The following NEURL3 variants were observed in gnomAD, a reference collection of about 807,000 sequenced individuals.
NEURL3 encodes the protein E3 ubiquitin-protein ligase NEURL3.
Under a neutral mutation model 17.6 loss-of-function variants are expected in NEURL3, and 19 were observed. The ratio of observed to expected loss-of-function variants is 1.08; its 90% CI spans 0.75 to 1.58. The LOEUF is 1.58. Among genes scored for constraint, NEURL3 ranks in the 40% most tolerant of loss-of-function variants. The pLI is 0.00. For synonymous variants in NEURL3, 180 were observed against 161.4 expected (o/e 1.11, Z -0.87); for missense variants, 342 against 379.6 (o/e 0.90, Z 0.82).
chr2:96,500,102 A>C, intron 2 of NEURL3: 1 of 322,128 alleles, frequency 3.1e-6, no homozygotes, highest in South Asian at 3.5e-5. Context: ...TTTGCTTGCC[A>C]CCTTTGTATC....
Position 96,497,914 on chromosome 2 carries a change from T to G in NEURL3, c.*330A>C. The stretch of plus-strand genomic sequence containing the variant: ...TCCAGGTTCTTCAATACCCAGGAGG[T>G]ACAGGGCTTCACCAGTCACAACAGA... On this transcript the variant is annotated 3_prime_UTR_variant, in exon 4 of 4. Transcript: ENST00000451794. The G allele has an allele frequency of 4.0e-6, 1 of 251,598 alleles. No homozygotes were observed. The allele number at this position is 251,598 out of a possible 1,614,324, so 15.6% of individuals were successfully genotyped here. A position where few individuals can be genotyped will look rare whatever the true frequency, so the allele number is the denominator to read the frequency against.
intron 1 of NEURL3, among the ~76,000 whole-genome samples, chr2:96,502,123 G>A (rs2065514623): frequency 6.6e-6 from 1 of 152,132 alleles, no homozygotes; most frequent in South Asian, 2.1e-4. Context: ...TTAAAGACCA[G>A]TGCTCACCGT....
At chr2:96,499,777 G>T (rs1361569897) in intron 2 of NEURL3, among the ~76,000 whole-genome samples, 1 of 152,150 alleles carries the variant, frequency 6.6e-6, no homozygotes, top group African/African-American at 2.4e-5. Context: ...TCTCCCAAGA[G>T]CCTGGACAAA....
At chr2:96,504,272 T>C in intron 1 of NEURL3, among the ~76,000 whole-genome samples, 1 of 4,840 alleles carries the variant, frequency 2.1e-4, no homozygotes, top group Admixed American at 2.7e-3. Context: ...TTTCTCCTCA[T>C]CCCGCCTCGG....
chr2:96,503,230 G>A (rs574767533), intron 1 of NEURL3, among the ~76,000 whole-genome samples: 2 of 152,278 alleles, frequency 1.3e-5, no homozygotes, highest in East Asian at 3.9e-4. Flanking sequence ...GGGTGCATGA[G>A]GCCCTGGGAG....
At chr2:96,503,057 G>A (rs1227496769) in intron 1 of NEURL3, among the ~76,000 whole-genome samples, 3 of 152,214 alleles carry the variant, frequency 2.0e-5, no homozygotes, top group Admixed American at 6.5e-5. Context: ...CTAGGCAGGT[G>A]CCCGGGACAG....
In NEURL3 at chr2:96,500,995, G is replaced by C. The variant is rs958131628; in HGVS notation, c.29-71C>G. On this transcript the variant is annotated intron_variant, in intron 1 of 3. Coordinates refer to ENST00000451794, the MANE Select transcript of NEURL3 (RefSeq NM_001285485.2). ...CCACCAGCTCCCCAGAGAGCCCCCA[G>C]TATCCCAGAGTCCCTCACACCTGGG... 12 of 1,421,756 alleles carry C rather than the reference G, an allele frequency of 8.4e-6. No individual in the cohort carries two copies. In the Admixed American group the frequency reaches 1.7e-4, roughly 21 times the overall value. The allele number at this position is 1,421,756 out of a possible 1,614,324, so 88.1% of individuals were successfully genotyped here.
chr2:96,505,163 A>T (rs979332901), intron 1 of NEURL3, 96 bp downstream of exon 1: 1 of 1,463,720 alleles, frequency 6.8e-7, no homozygotes. Context: ...CTTTACACTG[A>T]CCACATCTCT....
In NEURL3 at chr2:96,500,833, C is replaced by A; in HGVS notation, c.120G>T (p.Arg40Ser). 6.5e-7 allele frequency: 1 copy of A among 1,531,032 alleles called. No individual in the cohort carries two copies. The allele number at this position is 1,531,032 out of a possible 1,614,324, so 94.8% of individuals were successfully genotyped here. Residue 40 changes from arginine to serine, a missense_variant, in exon 2 of 4, where the codon AGG becomes AGT. Physicochemically the swap from Arg to Ser is moderately radical, Grantham distance 110. Transcript: ENST00000451794. The part of the protein sequence containing the change: ...RLDTRGCIAH[R>S]RTTFHDGIVF... ...CGATGCCGTCGTGGAACGTGGTGCGCCTGTGCGCGATGCAGCCACGCGTGT... is the reference window on the plus strand; with the variant it reads ...CGATGCCGTCGTGGAACGTGGTGCGACTGTGCGCGATGCAGCCACGCGTGT...
rs772602605 is a variant in NEURL3 at position 96,500,956 on chromosome 2, A to G, written c.29-32T>C. On this transcript the variant is annotated intron_variant, in intron 1 of 3. Transcript: ENST00000451794. ...GTTGAGGATGGGGAGTGTCAGTGCT[A>G]ACCGGGTCTGGACCCACCAGCTCCC... 115 of 1,523,816 alleles carry G rather than the reference A, an allele frequency of 7.5e-5. No individual in the cohort carries two copies. The Middle Eastern group carries it at 9.6e-4, about 13-fold the overall frequency. The allele number at this position is 1,523,816 out of a possible 1,614,324, so 94.4% of individuals were successfully genotyped here. A position where few individuals can be genotyped will look rare whatever the true frequency, so the allele number is the denominator to read the frequency against.
At chr2:96,505,389 G>T, upstream of NEURL3, 1 of 1,108,836 alleles carries the variant, frequency 9.0e-7, no homozygotes, top group Non-Finnish European at 1.4e-6. Flanking sequence ...CTTTTTATGG[G>T]CCAGAGATCA....
At chr2:96,499,208 C>T (rs1169862859) in intron 3 of NEURL3, 170 bp downstream of exon 3, 14 of 1,405,796 alleles carry the variant, frequency 1.0e-5, no homozygotes, top group African/African-American at 1.5e-5. Flanking sequence ...CAAATGCTCT[C>T]GAAGGCAGAG....
In NEURL3 at chr2:96,499,369, G is replaced by A. The variant is rs527548598; in HGVS notation, c.586+9C>T. 1.0e-5 allele frequency: 16 copies of A among 1,599,106 alleles called. No individual in the cohort carries two copies. Among genetic ancestry groups the A allele is most frequent in the Admixed American group, 5.0e-5 (3 of 60,000 alleles). ...CCGGGGAGTCCCTGATTCTTGGGAA[G>A]GCACTCACCTTTGGGCTCAGGCACA... On this transcript the variant is annotated intron_variant, in intron 3 of 3. Transcript: ENST00000451794.
In NEURL3 at chr2:96,498,228, A is replaced by G; in HGVS notation, c.*16T>C. 1 of 1,527,464 alleles carries G rather than the reference A, an allele frequency of 6.5e-7. No individual in the cohort carries two copies. The highest frequency in any genetic ancestry group is 8.8e-7 in the Non-Finnish European group (1 of 1,140,664). The allele number at this position is 1,527,464 out of a possible 1,614,324, so 94.6% of individuals were successfully genotyped here. A position where few individuals can be genotyped will look rare whatever the true frequency, so the allele number is the denominator to read the frequency against. ...GATCTAGGCCCGGGCTGCCACTCATACTGGGAAGCCTCCTTTCATGAGCCT... is the reference window on the plus strand; with the variant it reads ...GATCTAGGCCCGGGCTGCCACTCATGCTGGGAAGCCTCCTTTCATGAGCCT... On this transcript the variant is annotated 3_prime_UTR_variant, in exon 4 of 4. Transcript: ENST00000451794. The surrounding 1 kb of genome is among the most constrained non-coding windows in gnomAD (Gnocchi z 4.4).
intron 1 of NEURL3, among the ~76,000 whole-genome samples, chr2:96,501,395 GAGAC>G (rs1240861120): frequency 1.3e-5 from 2 of 151,992 alleles, no homozygotes; most frequent in African/African-American, 2.4e-5. Flanking sequence ...GACGGAAGAG[GAGAC>G]AGACAGATTT....
At chr2:96,508,069 T>C (rs911597001), upstream of NEURL3, 1 of 152,284 alleles carries the variant, frequency 6.6e-6, no homozygotes, top group African/African-American at 2.4e-5. Context: ...GCAGGAGATT[T>C]GTAGATAGGC....
upstream of NEURL3, among the ~76,000 whole-genome samples, chr2:96,505,562 C>A (rs2065554287): frequency 6.6e-6 from 1 of 152,194 alleles, no homozygotes; most frequent in African/African-American, 2.4e-5. Context: ...CTTACGGTAG[C>A]CTTCTTTCTC....
intron 1 of NEURL3, 56 bp from the exon 2 acceptor site, chr2:96,500,980 C>T: frequency 3.5e-6 from 5 of 1,442,574 alleles, no homozygotes; most frequent in Non-Finnish European, 4.5e-6. Flanking sequence ...CCACCAGCTC[C>T]CCAGAGAGCC....
intron 1 of NEURL3, among the ~76,000 whole-genome samples, chr2:96,501,356 A>G (rs573037267): frequency 1.6e-4 from 24 of 152,076 alleles, no homozygotes; most frequent in Non-Finnish European, 2.9e-4. Flanking sequence ...CGCCCAGCCC[A>G]TACATTTATT....
Sources: allele counts gnomAD v4.1 joint callset (sites outside exome capture counted in the v4.1 genomes callset), GRCh38; gene constraint gnomAD v4.1.1; non-coding constraint Gnocchi (gnomAD v3.1); transcripts MANE v1.5; gene names NCBI Gene and HGNC (gene_info 2026-07-23, HGNC 2026-07-21).